Variants in RNF6 observed in about 807,000 individuals in gnomAD.
RNF6 encodes the protein ring finger protein 6.
Under a neutral mutation model 50.1 loss-of-function variants are expected in RNF6, and 21 were observed. The ratio of observed to expected loss-of-function variants is 0.42; its 90% CI spans 0.30 to 0.60. RNF6 has a LOEUF of 0.60. Among genes scored for constraint, RNF6 ranks in the 20% least tolerant of loss-of-function variants. The probability of loss-of-function intolerance (pLI) is 0.20; values close to 1 mark genes in which losing one functional copy is unlikely to be tolerated. For missense variants in RNF6, 698 were observed against 838.2 expected (o/e 0.83, Z 2.07); for synonymous variants, 255 against 291.8 (o/e 0.87, Z 1.29).
At chr13:26,147,781 G>T (rs1443895869) in intron 5 of RNF6, among the ~76,000 whole-genome samples, 2 of 152,146 alleles carry the variant, frequency 1.3e-5, no homozygotes. Context: ...GTGGCTACAG[G>T]ACACAAGAGT....
At chr13:26,208,337 G>GC (rs1184169114), downstream of RNF6, among the ~76,000 whole-genome samples, 2 of 152,184 alleles carry the variant, frequency 1.3e-5, no homozygotes, top group Non-Finnish European at 2.9e-5. Context: ...TGTATGACCA[G>GC]CCCCCAGTAA....
chr13:26,136,786 A>G (rs968890176), intron 5 of RNF6, among the ~76,000 whole-genome samples: 1 of 152,196 alleles, frequency 6.6e-6, no homozygotes, highest in African/African-American at 2.4e-5. Context: ...GTGATATGAT[A>G]AAGGATCTCC....
rs145389681 is a variant in RNF6, at chr13:26,219,536, C to T, written c.114G>A (p.Glu38=). The change falls in exon 3 of 5, where the codon GAG becomes GAA. Residue 38 remains glutamate, a synonymous_variant. Coordinates refer to ENST00000381588, the MANE Select transcript of RNF6 (RefSeq NM_005977.4). ...GTTCATTAATAAACTGATAATAGGC[C>T]TCTTCTCTGTGGAGACGCTCTTGCT... is the stretch of plus-strand genomic sequence containing the variant. ...RWQQERLHRE[E]AYYQFINELN... 67 of 1,613,770 alleles carry T rather than the reference C, an allele frequency of 4.2e-5. No homozygotes were observed. In the African/African-American group the frequency reaches 8.5e-4, roughly 21 times the overall value.
At position 26,156,701 on chromosome 13, in the gene RNF6, A is replaced by C. The variant is rs947377044; in HGVS notation, n.769-24250T>G. Among the ~76,000 whole-genome samples the C allele has an allele frequency of 2.0e-5, 3 of 152,244 alleles. No individual in the cohort carries two copies. The East Asian group carries it at 5.8e-4, about 29-fold the overall frequency. On this transcript the variant is annotated intron_variant and non_coding_transcript_variant, in intron 5 of 5. Coordinates refer to the RNF6 transcript ENST00000468480. Reference sequence around the variant, plus strand: ...AATAAAACTGGAACTAAATAACTGAAATAAAAACAAAAATAAAATAAAAAC... The same window carrying C: ...AATAAAACTGGAACTAAATAACTGACATAAAAACAAAAATAAAATAAAAAC...
intron 5 of RNF6, among the ~76,000 whole-genome samples, chr13:26,149,860 A>ATG (rs200739419): frequency 2.6e-5 from 3 of 116,788 alleles, no homozygotes; most frequent in Non-Finnish European, 5.2e-5. Context: ...TGTATATATA[A>ATG]TGTGTGTGTG....
intron 5 of RNF6, among the ~76,000 whole-genome samples, chr13:26,187,601 T>C (rs980946173): frequency 2.6e-5 from 4 of 152,156 alleles, no homozygotes; most frequent in African/African-American, 9.7e-5. Context: ...ACTTAGTGGG[T>C]ATGTTAATGG....
At chr13:26,180,540 G>A (rs542426185) in intron 5 of RNF6, among the ~76,000 whole-genome samples, 3 of 152,318 alleles carry the variant, frequency 2.0e-5, no homozygotes, top group Admixed American at 1.3e-4. Flanking sequence ...TGATCCCATT[G>A]TACACAGCCT....
chr13:26,196,655 A>G (rs2137696923), intron 5 of RNF6, among the ~76,000 whole-genome samples: 1 of 151,970 alleles, frequency 6.6e-6, no homozygotes, highest in African/African-American at 2.4e-5. Flanking sequence ...AAATAAATAA[A>G]TAAATAAAAC....
chr13:26,185,668 C>T (rs1873482734), intron 5 of RNF6, among the ~76,000 whole-genome samples: 1 of 152,166 alleles, frequency 6.6e-6, no homozygotes, highest in Non-Finnish European at 1.5e-5. Flanking sequence ...ATCGCTTGAA[C>T]CCGGGAGGCG....
intron 5 of RNF6, among the ~76,000 whole-genome samples, chr13:26,205,266 TTAATA>T (rs1385461946): frequency 3.3e-5 from 5 of 151,166 alleles, no homozygotes; most frequent in Non-Finnish European, 3.0e-5. Flanking sequence ...GTCTTTGTAG[TTAATA>T]AAGACATTAA....
intron 5 of RNF6, among the ~76,000 whole-genome samples, chr13:26,151,208 T>A (rs1179588383): frequency 1.3e-5 from 2 of 152,220 alleles, no homozygotes; most frequent in Non-Finnish European, 2.9e-5. Flanking sequence ...TTTCAAAATC[T>A]AAATCTTAAT....
intron 5 of RNF6, among the ~76,000 whole-genome samples, chr13:26,181,373 C>T (rs1208396128): frequency 6.6e-6 from 1 of 152,202 alleles, no homozygotes; most frequent in Non-Finnish European, 1.5e-5. Context: ...TCTGTCTTGT[C>T]CTTGAAGAAT....
At chr13:26,181,977 G>C (rs1873264173) in intron 5 of RNF6, among the ~76,000 whole-genome samples, 1 of 152,124 alleles carries the variant, frequency 6.6e-6, no homozygotes. Context: ...GGATCAAACA[G>C]CTAGCCTTCT....
rs779802161 is a variant in RNF6 at position 26,213,817 on chromosome 13, C to T, written c.*7G>A. 1.7e-5 allele frequency: 27 copies of T among 1,589,398 alleles called. No homozygotes were observed. Among genetic ancestry groups the T allele is most frequent in the Admixed American group, 3.4e-5 (2 of 58,052 alleles). On this transcript the variant is annotated 3_prime_UTR_variant, in exon 5 of 5. Coordinates refer to ENST00000381588, the MANE Select transcript of RNF6 (RefSeq NM_005977.4). ...TAAAAAACAGTATTTGAGTAGATCC[C>T]ATCACCTTACCCATTGTTTGCTATG...
At chr13:26,154,898 C>T (rs1160001901) in intron 5 of RNF6, among the ~76,000 whole-genome samples, 2 of 151,960 alleles carry the variant, frequency 1.3e-5, no homozygotes, top group Non-Finnish European at 2.9e-5. Flanking sequence ...GATGTGGTGG[C>T]GCACACCTGT....
intron 5 of RNF6, among the ~76,000 whole-genome samples, chr13:26,185,747 A>C (rs509915): frequency 0.087 from 13,179 of 152,136 alleles, 665 homozygotes; most frequent in African/African-American, 0.13. Flanking sequence ...ACCCTGTCTC[A>C]AAAAAAAGTT....
rs561923536 is a variant in RNF6 at position 26,144,630 on chromosome 13, T to C, written n.769-12179A>G. 6.6e-5 allele frequency among the ~76,000 whole-genome samples: 10 copies of C among 152,326 alleles called. No homozygotes were observed. In the East Asian group the frequency reaches 1.7e-3, roughly 26 times the overall value. ...TCCAATGACCACTGTCCTTCAAGGATGCCCCAGAAAGGGGATGTAGTGCTG... is the reference window on the plus strand; with the variant it reads ...TCCAATGACCACTGTCCTTCAAGGACGCCCCAGAAAGGGGATGTAGTGCTG... On this transcript the variant is annotated intron_variant and non_coding_transcript_variant, in intron 5 of 5. Transcript: ENST00000468480.
intron 5 of RNF6, among the ~76,000 whole-genome samples, chr13:26,149,878 A>G (rs1396663731): frequency 1.3e-5 from 1 of 76,768 alleles, no homozygotes; most frequent in Non-Finnish European, 2.7e-5. Flanking sequence ...GTGTATATAT[A>G]TATATATATA....
intron 5 of RNF6, among the ~76,000 whole-genome samples, chr13:26,173,362 A>G (rs1872793977): frequency 6.6e-6 from 1 of 152,244 alleles, no homozygotes; most frequent in Admixed American, 6.5e-5. Context: ...AAAATCATAT[A>G]GTGAAATACT....
Sources: gnomAD v4.1 joint callset for allele counts (sites outside exome capture counted in the v4.1 genomes callset) on GRCh38, gnomAD v4.1.1 for gene constraint, MANE v1.5 for transcripts, NCBI Gene and HGNC (gene_info 2026-07-23, HGNC 2026-07-21) for gene names.